Variants in STARD3NL observed in about 807,000 individuals in gnomAD.
STARD3NL encodes the protein STARD3 N-terminal-like protein.
STARD3NL carries 17 observed loss-of-function variants against 30.9 expected under a neutral mutation model. That is an observed-to-expected ratio of 0.55 (90% confidence interval 0.38 to 0.82). The LOEUF (loss-of-function observed/expected upper bound fraction) is 0.82. Ranked by LOEUF, STARD3NL falls within the 40% of genes least tolerant of loss-of-function variation. The pLI is 0.00. For synonymous variants in STARD3NL, 112 were observed against 100.5 expected (o/e 1.11, Z -0.69); for missense variants, 234 against 277.6 (o/e 0.84, Z 1.12).
chr7:38,180,429 G>GCCA (rs1438761690), intron 1 of STARD3NL, among the ~76,000 whole-genome samples: 1 of 152,140 alleles, frequency 6.6e-6, no homozygotes, highest in African/African-American at 2.4e-5. Flanking sequence ...TCTTCTCCAA[G>GCCA]CCAAATTCTA....
At chr7:38,199,698 A>G (rs866754643) in intron 1 of STARD3NL, among the ~76,000 whole-genome samples, 2 of 152,224 alleles carry the variant, frequency 1.3e-5, no homozygotes, top group African/African-American at 4.8e-5. Context: ...TCTGAAGGAT[A>G]TGGTTAGGAT....
intron 1 of STARD3NL, among the ~76,000 whole-genome samples, chr7:38,184,620 T>C (rs971061930): frequency 6.8e-6 from 1 of 147,396 alleles, no homozygotes; most frequent in African/African-American, 2.5e-5. Flanking sequence ...CAATATATAG[T>C]ATATGATATA....
At chr7:38,221,483 A>T (rs530107059) in intron 7 of STARD3NL, among the ~76,000 whole-genome samples, 6 of 152,280 alleles carry the variant, frequency 3.9e-5, no homozygotes, top group African/African-American at 1.2e-4. Flanking sequence ...CCACTCTGTG[A>T]TGTAAAACTC....
intron 6 of STARD3NL, among the ~76,000 whole-genome samples, chr7:38,217,516 A>T (rs1162818868): frequency 6.6e-6 from 1 of 152,200 alleles, no homozygotes; most frequent in African/African-American, 2.4e-5. Flanking sequence ...TCCAGCTATC[A>T]GGCCAGGCTT....
intron 3 of STARD3NL, 138 bp from the exon 4 acceptor site, chr7:38,214,890 C>G (rs965890814): frequency 3.2e-5 from 22 of 682,294 alleles, no homozygotes; most frequent in Non-Finnish European, 5.2e-5. Context: ...TTCCCAAATG[C>G]TGGTCTACAG....
intron 4 of STARD3NL, 163 bp from the exon 5 acceptor site, chr7:38,216,862 G>T: frequency 1.4e-6 from 1 of 725,470 alleles, no homozygotes; most frequent in South Asian, 1.9e-5. Flanking sequence ...CCCCAGTGTG[G>T]GTCTAGGGGA....
intron 7 of STARD3NL, among the ~76,000 whole-genome samples, chr7:38,228,394 C>G (rs772462522): frequency 1.3e-5 from 2 of 152,186 alleles, no homozygotes; most frequent in African/African-American, 2.4e-5. Context: ...TCTCACTGCT[C>G]TCTCGCTCGT....
intron 7 of STARD3NL, among the ~76,000 whole-genome samples, chr7:38,223,292 T>C (rs1488576102): frequency 6.6e-6 from 1 of 152,232 alleles, no homozygotes; most frequent in East Asian, 1.9e-4. Context: ...GTTTGCAGGC[T>C]TGCTTGTTGA....
intron 1 of STARD3NL, among the ~76,000 whole-genome samples, chr7:38,193,760 G>A (rs1784790237): frequency 6.6e-6 from 1 of 152,124 alleles, no homozygotes; most frequent in Admixed American, 6.5e-5. Flanking sequence ...GTGTGAGGAA[G>A]CTCTATTCAT....
chr7:38,203,130 G>C (rs1364475628), intron 1 of STARD3NL, among the ~76,000 whole-genome samples: 1 of 152,108 alleles, frequency 6.6e-6, no homozygotes, highest in African/African-American at 2.4e-5. Flanking sequence ...GAAATACAGA[G>C]AATGCCACAA....
At chr7:38,197,257 G>T in intron 1 of STARD3NL, among the ~76,000 whole-genome samples, 2 of 136,758 alleles carry the variant, frequency 1.5e-5, no homozygotes, top group Non-Finnish European at 1.5e-5. Flanking sequence ...TCAGGGCCTT[G>T]CTCTGTCTCC....
chr7:38,204,635 C>T (rs1370552831), intron 1 of STARD3NL, among the ~76,000 whole-genome samples: 3 of 152,150 alleles, frequency 2.0e-5, no homozygotes, highest in Non-Finnish European at 2.9e-5. Flanking sequence ...TAACTAAGAT[C>T]AGAGCAGAAC....
At chr7:38,216,916 T>G (rs1786152399) in intron 4 of STARD3NL, 109 bp from the exon 5 acceptor site, 1 of 1,353,202 alleles carries the variant, frequency 7.4e-7, no homozygotes, top group Non-Finnish European at 1.0e-6. Context: ...AGGCACAGGT[T>G]TTTCAGGCCT....
intron 2 of STARD3NL, among the ~76,000 whole-genome samples, chr7:38,209,600 A>G (rs1225425840): frequency 1.3e-5 from 2 of 152,168 alleles, no homozygotes; most frequent in Non-Finnish European, 1.5e-5. Flanking sequence ...GCATCTTTTA[A>G]CAGGAAACAC....
At chr7:38,225,465 T>C (rs929597960) in intron 7 of STARD3NL, among the ~76,000 whole-genome samples, 1 of 152,196 alleles carries the variant, frequency 6.6e-6, no homozygotes, top group African/African-American at 2.4e-5. Flanking sequence ...TTTTTTAGTT[T>C]TACATGTTTC....
Position 38,228,878 on chromosome 7 carries a change from G to C in STARD3NL, c.*17+7G>C. The C allele has an allele frequency of 6.3e-7, 1 of 1,597,848 alleles. No homozygotes were observed. On this transcript the variant is annotated splice_region_variant and intron_variant, in intron 8 of 8. Coordinates refer to ENST00000009041, the MANE Select transcript of STARD3NL (RefSeq NM_032016.4). ...GAGTACTACTTTTGTTAAAGTAAGT[G>C]TTTGAAATGAAACCATAACAACAAA...
intron 3 of STARD3NL, 61 bp from the exon 4 acceptor site, chr7:38,214,967 A>T (rs1026957724): frequency 6.8e-7 from 1 of 1,479,962 alleles, no homozygotes; most frequent in Non-Finnish European, 9.3e-7. Flanking sequence ...TGAGTTTTTC[A>T]TAAAGCTGTG....
intron 2 of STARD3NL, among the ~76,000 whole-genome samples, chr7:38,213,371 G>T (rs553588638): frequency 6.6e-6 from 1 of 152,294 alleles, no homozygotes; most frequent in East Asian, 1.9e-4. Flanking sequence ...TCGGGCACAG[G>T]ATAGTATTTA....
intron 1 of STARD3NL, among the ~76,000 whole-genome samples, chr7:38,191,629 C>G (rs116622525): frequency 6.6e-6 from 1 of 152,116 alleles, no homozygotes; most frequent in Non-Finnish European, 1.5e-5. Context: ...TCACTGTTTG[C>G]AGAAAACAGA....
Sources: gnomAD v4.1 joint callset for allele counts (sites outside exome capture counted in the v4.1 genomes callset) on GRCh38, gnomAD v4.1.1 for gene constraint, MANE v1.5 for transcripts, NCBI Gene and HGNC (gene_info 2026-07-23, HGNC 2026-07-21) for gene names.